The following PDIA6 variants were observed in gnomAD, a reference collection of about 807,000 sequenced individuals.
PDIA6 encodes protein disulfide-isomerase A6.
In PDIA6, 29 loss-of-function variants were observed where a neutral mutation model predicts 58.4. That is an observed-to-expected ratio of 0.50 (90% CI 0.37 to 0.68). The LOEUF (loss-of-function observed/expected upper bound fraction) is 0.68, where lower values mean the gene tolerates loss of function less well. Ranked by LOEUF, PDIA6 falls within the 30% of genes least tolerant of loss-of-function variation. PDIA6 has a pLI of 0.00. For synonymous variants in PDIA6, 192 were observed against 202.6 expected, an observed-to-expected ratio of 0.95 and a Z score of 0.44; for missense variants, 480 against 551.0, an observed-to-expected ratio of 0.87 and a Z score of 1.29.
At chr2:10,801,045 G>A (rs1316340547) in intron 2 of PDIA6, among the ~76,000 whole-genome samples, 2 of 152,148 alleles carry the variant, frequency 1.3e-5, no homozygotes, top group Non-Finnish European at 2.9e-5. Context: ...TTGCGAGGCC[G>A]AGACAGGCGA....
intron 2 of PDIA6, among the ~76,000 whole-genome samples, chr2:10,818,481 A>AATTTATTTATTT (rs750321012): frequency 1.2e-4 from 14 of 115,790 alleles, no homozygotes; most frequent in African/African-American, 2.6e-4. Context: ...TTAACCATTT[A>AATTTATTTATTT]ATTTATTTAT....
chr2:10,798,718 G>A (rs1203141206), intron 2 of PDIA6, among the ~76,000 whole-genome samples: 1 of 152,166 alleles, frequency 6.6e-6, no homozygotes, highest in Non-Finnish European at 1.5e-5. Flanking sequence ...GCCTAGGCAC[G>A]ATGCAGATTC....
In PDIA6 at chr2:10,802,575, C is replaced by T. The variant is rs768073072; in HGVS notation, c.85G>A (p.Glu29Lys). ...GLYSSSDDVI[E>K]LTPSNFNREV... ...CGGTTGAAATTCGATGGAGTTAATT[C>T]GATCACATCATCACTAGAGGAATAC... is the stretch of plus-strand genomic sequence containing the variant. The change falls in exon 2 of 13, where the codon GAA becomes AAA. Residue 29 changes from glutamate (E) to lysine (K), a missense_variant. Glu to Lys is a moderately conservative substitution (Grantham distance 56). Transcript: ENST00000272227. 9 of 1,492,778 alleles carry T rather than the reference C, an allele frequency of 6.0e-6. No homozygotes were observed. The highest frequency in any genetic ancestry group is 1.8e-4 in the Middle Eastern group (1 of 5,620). 92.5% of individuals were successfully genotyped at this position (1,492,778 alleles called of 1,614,324 possible). A position where few individuals can be genotyped will look rare whatever the true frequency, so the allele number is the denominator to read the frequency against.
At chr2:10,818,532 T>A (rs1365247226) in intron 2 of PDIA6, among the ~76,000 whole-genome samples, 3 of 118,616 alleles carry the variant, frequency 2.5e-5, no homozygotes, top group East Asian at 2.1e-4. Context: ...ATTTATTTAT[T>A]TATTTTGAGA....
At chr2:10,809,517 G>GA (rs1666906689) in intron 1 of PDIA6, among the ~76,000 whole-genome samples, 1 of 151,762 alleles carries the variant, frequency 6.6e-6, no homozygotes, top group African/African-American at 2.4e-5. Context: ...CTCTTGTAGA[G>GA]AAAAAATATG....
intron 8 of PDIA6, 116 bp downstream of exon 8, chr2:10,789,633 C>A: frequency 4.5e-6 from 4 of 882,476 alleles, no homozygotes; most frequent in Admixed American, 2.8e-5. Flanking sequence ...GTATAGAAAC[C>A]ACTTTAAAGA....
chr2:10,793,027 T>A, intron 5 of PDIA6, 69 bp downstream of exon 5: 3 of 977,500 alleles, frequency 3.1e-6, no homozygotes, highest in Non-Finnish European at 4.9e-6. Context: ...AAAACAACTA[T>A]CTTATACAAG....
At chr2:10,835,546 C>T (rs552865405), upstream of PDIA6, among the ~76,000 whole-genome samples, 159 of 152,310 alleles carry the variant, frequency 1.0e-3, no homozygotes, top group African/African-American at 3.6e-3. Flanking sequence ...CCCAGGGAGC[C>T]GGCCCGGCAC....
upstream of PDIA6, among the ~76,000 whole-genome samples, chr2:10,813,014 C>T (rs931365139): frequency 6.6e-5 from 10 of 152,108 alleles, no homozygotes; most frequent in Admixed American, 1.3e-4. Flanking sequence ...CGGCTCGCAC[C>T]GCCTCAGCTC....
chr2:10,799,285 T>C (rs1405699641), intron 2 of PDIA6, among the ~76,000 whole-genome samples: 1 of 152,234 alleles, frequency 6.6e-6, no homozygotes, highest in African/African-American at 2.4e-5. Context: ...AAAAACAAAG[T>C]AAATTCTCTT....
intron 4 of PDIA6, among the ~76,000 whole-genome samples, chr2:10,793,864 A>C (rs1666147939): frequency 6.6e-6 from 1 of 152,224 alleles, no homozygotes; most frequent in African/African-American, 2.4e-5. Context: ...AAAGATGGAA[A>C]AAGTAGGTAT....
At chr2:10,834,721 C>CCCTCCCTTCCCTCCCTCCTT (rs1303608003), upstream of PDIA6, among the ~76,000 whole-genome samples, 15 of 45,526 alleles carry the variant, frequency 3.3e-4, no homozygotes, top group African/African-American at 1.1e-3. Context: ...CTCCCTCCCT[C>CCCTCCCTTCCCTCCCTCCTT]CCTTCCTTCC....
At chr2:10,837,592 G>T in exon 1 of PDIA6, 1 of 900,806 alleles carries the variant, frequency 1.1e-6, no homozygotes, top group Non-Finnish European at 1.8e-6. Context: ...GGCAGGGGCT[G>T]TGATTATCCT....
upstream of PDIA6, chr2:10,812,842 G>T (rs1364583881): frequency 1.7e-6 from 2 of 1,167,758 alleles, no homozygotes; most frequent in Non-Finnish European, 2.1e-6. Flanking sequence ...GCCGGAAGGC[G>T]CTCGCCAAGC....
intron 1 of PDIA6, among the ~76,000 whole-genome samples, chr2:10,805,914 GT>G (rs1239523833): frequency 3.7e-5 from 2 of 54,670 alleles, no homozygotes; most frequent in Non-Finnish European, 7.8e-5. Flanking sequence ...CTGTTGTGGG[GT>G]GGGGGGAGGG....
chr2:10,820,768 C>T (rs1412988625), intron 1 of PDIA6: 1 of 703,040 alleles, frequency 1.4e-6, no homozygotes, highest in Non-Finnish European at 2.6e-6. Context: ...CCAGTTCACT[C>T]ACATGGCTGG....
In PDIA6 at chr2:10,793,221, AG is replaced by A; in HGVS notation, c.347-20del. On this transcript the variant is annotated intron_variant, in intron 4 of 12. Coordinates refer to ENST00000272227, the MANE Select transcript of PDIA6 (RefSeq NM_005742.4). ...CTGCCACCTACAGGAGACGGAAGGT[AG>A]GCGGTCCTCAGCCCGGCCTTCAGCA... is the stretch of plus-strand genomic sequence containing the variant. The A allele has an allele frequency of 1.3e-6, 2 of 1,509,282 alleles. No individual in the cohort carries two copies. The highest frequency in any genetic ancestry group is 9.0e-7 in the Non-Finnish European group (1 of 1,111,602). The allele number at this position is 1,509,282 out of a possible 1,614,324, so 93.5% of individuals were successfully genotyped here.
At chr2:10,800,743 A>G (rs1046736196) in intron 2 of PDIA6, among the ~76,000 whole-genome samples, 1 of 151,976 alleles carries the variant, frequency 6.6e-6, no homozygotes, top group Admixed American at 6.6e-5. Context: ...TGGGACCACA[A>G]GTACACGGCA....
chr2:10,796,814 G>A (rs1039811909), intron 4 of PDIA6, among the ~76,000 whole-genome samples: 8 of 152,190 alleles, frequency 5.3e-5, no homozygotes, highest in Non-Finnish European at 1.0e-4. Context: ...TAATGAGAAA[G>A]ACAACAGGGT....
Sources: allele counts gnomAD v4.1 joint callset (sites outside exome capture counted in the v4.1 genomes callset), GRCh38; gene constraint gnomAD v4.1.1; transcripts MANE v1.5; gene names NCBI Gene and HGNC (gene_info 2026-07-23, HGNC 2026-07-21).